RBFOX1: variants seen among roughly 807,000 people sequenced by gnomAD.
The protein encoded by RBFOX1 is RNA binding fox-1 homolog 1.
A neutral mutation model predicts 57.7 loss-of-function variants in RBFOX1; 8 were observed. That is an observed-to-expected ratio of 0.14 (90% confidence interval 0.08 to 0.25). RBFOX1 has a LOEUF of 0.25. RBFOX1 is among the 10% of genes least tolerant of loss of function. The probability of loss-of-function intolerance (pLI) is 1.00; values close to 1 mark genes in which losing one functional copy is unlikely to be tolerated. For missense variants in RBFOX1, 611 were observed against 548.5 expected (o/e 1.11, Z -1.14); for synonymous variants, 326 against 222.4 (o/e 1.47, Z -4.15).
chr16:6,792,856 C>G (rs2083234233), intron 3 of RBFOX1, among the ~76,000 whole-genome samples: 3 of 152,000 alleles, frequency 2.0e-5, no homozygotes, highest in African/African-American at 4.8e-5. Context: ...TGGTGAAACC[C>G]TGTCTCTACT....
At chr16:5,638,078 G>C (rs1427073954) in intron 3 of RBFOX1, among the ~76,000 whole-genome samples, 1 of 152,180 alleles carries the variant, frequency 6.6e-6, no homozygotes, top group African/African-American at 2.4e-5. Context: ...GGCAACAAGA[G>C]ATTAATCTTA....
chr16:7,632,709 G>A lies in RBFOX1; in HGVS notation c.757+2026G>A, dbSNP rs919983754. Among the ~76,000 whole-genome samples the A allele has an allele frequency of 9.2e-5, 14 of 152,198 alleles. No individual in the cohort carries two copies. In the East Asian group the frequency reaches 9.7e-4, roughly 10 times the overall value. On this transcript the variant is annotated intron_variant, in intron 11 of 15. Transcript: ENST00000550418. Reference sequence around the variant, plus strand: ...GTATTATTTTTTTCTCTAACATTGCGGTCCTATAGAAGTGTCTGGGATAAA... The same window carrying A: ...GTATTATTTTTTTCTCTAACATTGCAGTCCTATAGAAGTGTCTGGGATAAA...
At chr16:6,702,631 T>G (rs1157698613) in intron 3 of RBFOX1, among the ~76,000 whole-genome samples, 3 of 152,056 alleles carry the variant, frequency 2.0e-5, no homozygotes, top group Non-Finnish European at 4.4e-5. Flanking sequence ...CTAAATGAGG[T>G]CATACTTCTA....
chr16:7,497,846 C>T (rs1038641778), intron 4 of RBFOX1, among the ~76,000 whole-genome samples: 1 of 152,178 alleles, frequency 6.6e-6, no homozygotes, highest in African/African-American at 2.4e-5. Flanking sequence ...TTTCAAGAGC[C>T]CTTCTCTGAC....
At chr16:6,471,795 G>T (rs982393975) in intron 2 of RBFOX1, among the ~76,000 whole-genome samples, 2 of 152,102 alleles carry the variant, frequency 1.3e-5, no homozygotes, top group Admixed American at 1.3e-4. Flanking sequence ...CATGTCTTGT[G>T]CAATCCCAGC....
chr16:6,323,232 G>A (rs1420136463), intron 2 of RBFOX1, among the ~76,000 whole-genome samples: 2 of 152,196 alleles, frequency 1.3e-5, no homozygotes, highest in Admixed American at 6.5e-5. Context: ...TACAAGGAAG[G>A]TGTGTAAAGT....
intron 1 of RBFOX1, among the ~76,000 whole-genome samples, chr16:5,250,008 G>C (rs2062407986): frequency 6.6e-6 from 1 of 151,698 alleles, no homozygotes; most frequent in African/African-American, 2.4e-5. Context: ...TTGCAGTGAG[G>C]AGGAGGTTGC....
intron 4 of RBFOX1, among the ~76,000 whole-genome samples, chr16:7,386,375 C>T (rs1783759375): frequency 6.6e-6 from 1 of 151,658 alleles, no homozygotes; most frequent in South Asian, 2.1e-4. Context: ...AAAGCTATAC[C>T]CCCCAGCCCC....
At chr16:7,543,320 AAGGGT>A (rs200696607) in intron 5 of RBFOX1, among the ~76,000 whole-genome samples, 2,110 of 152,310 alleles carry the variant, frequency 0.014, 29 homozygotes, top group Non-Finnish European at 0.019. Context: ...ACATAGAATG[AAGGGT>A]GTCAGATTCT....
At chr16:6,128,436 C>G (rs190029931) in intron 1 of RBFOX1, among the ~76,000 whole-genome samples, 161 of 152,294 alleles carry the variant, frequency 1.1e-3, no homozygotes, top group African/African-American at 3.5e-3. Flanking sequence ...AAGCATTGAT[C>G]AAAAGGCAGC....
At chr16:6,347,627 C>T (rs928890357) in intron 2 of RBFOX1, among the ~76,000 whole-genome samples, 1 of 152,138 alleles carries the variant, frequency 6.6e-6, no homozygotes, top group Non-Finnish European at 1.5e-5. Flanking sequence ...GTGAAGGAGA[C>T]TGAAGTTTAT....
chr16:7,297,085 A>G (rs1242485461), intron 4 of RBFOX1, among the ~76,000 whole-genome samples: 1 of 152,098 alleles, frequency 6.6e-6, no homozygotes, highest in Non-Finnish European at 1.5e-5. Flanking sequence ...ACAGGAGGAG[A>G]GACAAGGCTC....
At chr16:6,371,204 C>G (rs954102552) in intron 2 of RBFOX1, among the ~76,000 whole-genome samples, 7 of 152,234 alleles carry the variant, frequency 4.6e-5, no homozygotes, top group East Asian at 1.9e-4. Flanking sequence ...TGGTTTTAGA[C>G]TTTTAAAATA....
At chr16:7,710,412 T>G in intron 15 of RBFOX1, 1 of 1,391,438 alleles carries the variant, frequency 7.2e-7, no homozygotes, top group Non-Finnish European at 9.2e-7. Context: ...TGACAGAATT[T>G]GGTTTTGCAG....
intron 3 of RBFOX1, among the ~76,000 whole-genome samples, chr16:5,754,260 C>T (rs898175499): frequency 6.6e-5 from 10 of 152,074 alleles, no homozygotes; most frequent in African/African-American, 1.9e-4. Flanking sequence ...TCCCTGTAAG[C>T]GTCTTGGGAG....
chr16:6,039,646 T>C (rs1462496802), intron 1 of RBFOX1, among the ~76,000 whole-genome samples: 3 of 152,208 alleles, frequency 2.0e-5, no homozygotes, highest in Admixed American at 6.5e-5. Flanking sequence ...TTCAGTTATT[T>C]TGAGGAAAGT....
At position 6,202,525 on chromosome 16, in the gene RBFOX1, T is replaced by C. The variant is rs191513140; in HGVS notation, c.-126-114470T>C. On this transcript the variant is annotated intron_variant, in intron 1 of 15. Transcript: ENST00000550418. ...GTTTCACAGATAACTCATGCACCTC[T>C]AGAGTTTTCTTATGGAAATGCTTAA... 3.3e-5 allele frequency among the ~76,000 whole-genome samples: 5 copies of C among 152,278 alleles called. No individual in the cohort carries two copies. In the East Asian group the frequency reaches 9.7e-4, roughly 29 times the overall value.
At chr16:5,387,825 G>A (rs1044993484) in intron 1 of RBFOX1, among the ~76,000 whole-genome samples, 4 of 152,188 alleles carry the variant, frequency 2.6e-5, no homozygotes, top group African/African-American at 9.7e-5. Flanking sequence ...CTTGAGATAG[G>A]AAGAGTATCT....
chr16:6,708,255 G>A (rs997305025), intron 3 of RBFOX1, among the ~76,000 whole-genome samples: 1 of 150,718 alleles, frequency 6.6e-6, no homozygotes, highest in Non-Finnish European at 1.5e-5. Context: ...GAAAGTCATT[G>A]TGTGGGCTAG....
Sources: gnomAD v4.1 joint callset for allele counts (sites outside exome capture counted in the v4.1 genomes callset) on GRCh38, gnomAD v4.1.1 for gene constraint, MANE v1.5 for transcripts, NCBI Gene and HGNC (gene_info 2026-07-23, HGNC 2026-07-21) for gene names.